Variants in TNRC18 observed in about 807,000 individuals in gnomAD.
The protein encoded by TNRC18 is trinucleotide repeat containing 18, also known as trinucleotide repeat-containing gene 18 protein.
TNRC18 carries 69 observed loss-of-function variants against 226.7 expected under a neutral mutation model. The ratio of observed to expected loss-of-function variants is 0.30; its 90% confidence interval spans 0.25 to 0.37. The LOEUF (loss-of-function observed/expected upper bound fraction) is 0.37, where lower values mean the gene tolerates loss of function less well. Among genes scored for constraint, TNRC18 ranks in the 10% least tolerant of loss-of-function variants. The pLI, the probability that TNRC18 is intolerant of heterozygous loss-of-function variation, is 1.00. For synonymous variants in TNRC18, 2,449 were observed against 1,927.6 expected (o/e 1.27, Z -7.09); for missense variants, 4,754 against 4,256.6 (o/e 1.12, Z -3.25).
intron 2 of TNRC18, among the ~76,000 whole-genome samples, chr7:5,409,619 T>C (rs969632169): frequency 4.6e-5 from 7 of 151,562 alleles, no homozygotes; most frequent in Admixed American, 3.3e-4. Flanking sequence ...ATCGAAAGGT[T>C]AGAAGATACC....
intron 18 of TNRC18, among the ~76,000 whole-genome samples, chr7:5,345,259 G>A (rs1326054896): frequency 6.6e-6 from 1 of 152,220 alleles, no homozygotes; most frequent in African/African-American, 2.4e-5. Context: ...GGCTGGGTCA[G>A]GGACCTCCAT....
intron 21 of TNRC18, 95 bp from the exon 22 acceptor site, chr7:5,321,285 G>T (rs201402271): frequency 7.3e-4 from 666 of 909,006 alleles, no homozygotes; most frequent in African/African-American, 6.1e-3. Context: ...CCTTGGAATG[G>T]AGGCCCTGGT....
Position 5,315,826 on chromosome 7 carries a change from T to C in TNRC18, c.6862+130A>G, listed in dbSNP as rs928454265. The C allele has an allele frequency of 1.2e-5, 8 of 642,346 alleles. No homozygotes were observed. In the South Asian group the frequency reaches 1.7e-4, roughly 13 times the overall value. The allele number at this position is 642,346 out of a possible 1,614,324, so 39.8% of individuals were successfully genotyped here. A position where few individuals can be genotyped will look rare whatever the true frequency, so the allele number is the denominator to read the frequency against. On this transcript the variant is annotated intron_variant, in intron 25 of 29. Coordinates refer to ENST00000430969, the MANE Select transcript of TNRC18 (RefSeq NM_001080495.3). ...CTGAGATCTCACGGGAGCCCACCCA[T>C]GGCTTCTGCTGCTTCCATCACCTGT...
At position 5,376,983 on chromosome 7, in the gene TNRC18, G is replaced by A; in HGVS notation, c.2472C>T (p.Pro824=). ...WLAGHPYGLG[P]PSLHQGMAPA... is the part of the protein sequence containing the mutation. ...GGGCCATGCCCTGGTGCAGAGATGG[G>A]GGACCCAAGCCTAGGAGGAGAAGCC... The change falls in exon 8 of 30, where the codon CCC becomes CCT. Residue 824 remains proline (P), a synonymous_variant. Transcript: ENST00000430969. The A allele has an allele frequency of 6.3e-7, 1 of 1,581,622 alleles. No individual in the cohort carries two copies. The highest frequency in any genetic ancestry group is 8.6e-7 in the Non-Finnish European group (1 of 1,164,204).
intron 2 of TNRC18, among the ~76,000 whole-genome samples, chr7:5,400,385 G>C (rs956496399): frequency 3.3e-5 from 5 of 151,928 alleles, no homozygotes; most frequent in Non-Finnish European, 7.4e-5. Flanking sequence ...AGAGGCGGGC[G>C]GATCACCTGA....
rs776608035 is a variant in TNRC18 at position 5,370,390 on chromosome 7, T to C, written c.4204A>G (p.Ser1402Gly). ...GCACTCTCACCTCCCATCTCTTGGCTCCTCCTCTCCAGCTCCAGCTCTGCG... is the reference window on the plus strand; with the variant it reads ...GCACTCTCACCTCCCATCTCTTGGCCCCTCCTCTCCAGCTCCAGCTCTGCG... Reference protein sequence around the residue: ...EIAELELERRSQEMGGAERAL... With the variant: ...EIAELELERRGQEMGGAERAL... The change falls in exon 11 of 30, where the codon AGC becomes GGC. Residue 1402 changes from serine (S) to glycine (G), a missense_variant. Transcript: ENST00000430969. 1 of 1,546,906 alleles carries C rather than the reference T, an allele frequency of 6.5e-7. No homozygotes were observed. Among genetic ancestry groups the C allele is most frequent in the Non-Finnish European group, 8.7e-7 (1 of 1,144,648 alleles).
Position 5,374,165 on chromosome 7 carries a change from G to A in TNRC18, c.3119C>T (p.Pro1040Leu), listed in dbSNP as rs774510421. The A allele has an allele frequency of 6.8e-6, 10 of 1,461,428 alleles. No homozygotes were observed. The highest frequency in any genetic ancestry group is 5.2e-5 in the Admixed American group (2 of 38,280). The allele number at this position is 1,461,428 out of a possible 1,614,324, so 90.5% of individuals were successfully genotyped here. ...CTTGCGGGTGATACCCGGGGTGGGC[G>A]GTGGGGAGGCGGGCGGCGGGCTGGT... ...HPTSPPPASP[P>L]PTPGITRKEE... The change falls in exon 10 of 30, where the codon CCG becomes CTG. Residue 1040 changes from proline (P) to leucine (L), a missense_variant. Transcript: ENST00000430969.
intron 2 of TNRC18, among the ~76,000 whole-genome samples, chr7:5,412,811 C>G (rs1198673930): frequency 6.6e-6 from 1 of 152,146 alleles, no homozygotes; most frequent in Non-Finnish European, 1.5e-5. Flanking sequence ...CAGGGACCCC[C>G]AAAATGCTCA....
At chr7:5,408,737 C>G (rs1781649052) in intron 2 of TNRC18, among the ~76,000 whole-genome samples, 1 of 152,158 alleles carries the variant, frequency 6.6e-6, no homozygotes, top group African/African-American at 2.4e-5. Context: ...AAAAGAAACA[C>G]TTAGGCTTGG....
intron 18 of TNRC18, among the ~76,000 whole-genome samples, chr7:5,335,327 TG>T (rs1325982501): frequency 1.2e-5 from 1 of 80,728 alleles, no homozygotes; most frequent in African/African-American, 3.9e-5. Flanking sequence ...AAAAAAAATT[TG>T]GCCAGGCACA....
At position 5,332,967 on chromosome 7, in the gene TNRC18, C is replaced by G. The variant is rs780930454; in HGVS notation, c.5802G>C (p.Lys1934Asn). The change falls in exon 19 of 30, where the codon AAG becomes AAC. Residue 1934 changes from lysine (K) to asparagine (N), a missense_variant. By Grantham distance (94) the Lys-to-Asn change is moderately conservative (BLOSUM62 0). Coordinates refer to ENST00000430969, the MANE Select transcript of TNRC18 (RefSeq NM_001080495.3). ...RSPAGLLRPK[K>N]GLGEPGPSLA... ...GGGAGGGTCCCGGCTCCCCCAGCCC[C>G]TTCTTGGGCCGCAGCAGCCCCGCAG... is the stretch of plus-strand genomic sequence containing the variant. 1 of 1,563,322 alleles carries G rather than the reference C, an allele frequency of 6.4e-7. No homozygotes were observed. Among genetic ancestry groups the G allele is most frequent in the Non-Finnish European group, 8.6e-7 (1 of 1,162,384 alleles).
intron 11 of TNRC18, among the ~76,000 whole-genome samples, chr7:5,367,679 C>T (rs528998973): frequency 1.3e-4 from 20 of 151,598 alleles, no homozygotes; most frequent in Non-Finnish European, 2.9e-4. Context: ...CTGCCCGCCT[C>T]GGCCTCCCAA....
chr7:5,334,549 G>A (rs891811270), intron 18 of TNRC18, among the ~76,000 whole-genome samples: 3 of 151,528 alleles, frequency 2.0e-5, no homozygotes, highest in East Asian at 3.9e-4. Flanking sequence ...TGCCTGCCTC[G>A]GCCTCCCAAA....
chr7:5,401,486 C>A (rs1307225271), intron 2 of TNRC18, among the ~76,000 whole-genome samples: 1 of 152,122 alleles, frequency 6.6e-6, no homozygotes, highest in Non-Finnish European at 1.5e-5. Context: ...TGCAACTTAC[C>A]CTGCCACGCC....
intron 3 of TNRC18, among the ~76,000 whole-genome samples, chr7:5,391,951 A>G (rs11973300): frequency 0.61 from 92,444 of 150,670 alleles, 28,762 homozygotes; most frequent in East Asian, 0.87. Flanking sequence ...TTCTCTGCCT[A>G]AGCCCAGAGT....
chr7:5,371,147 C>G lies in TNRC18; in HGVS notation c.3447G>C (p.Glu1149Asp). The G allele has an allele frequency of 6.2e-7, 1 of 1,609,528 alleles. No individual in the cohort carries two copies. Among genetic ancestry groups the G allele is most frequent in the Non-Finnish European group, 8.5e-7 (1 of 1,176,900 alleles). Residue 1149 changes from glutamate to aspartate, a missense_variant, in exon 11 of 30, where the codon GAG becomes GAC. Glu to Asp is a conservative substitution (Grantham distance 45, BLOSUM62 2). Coordinates refer to ENST00000430969, the MANE Select transcript of TNRC18 (RefSeq NM_001080495.3). Reference protein sequence around the residue: ...KITEPLREGPEEEPLAEREVK... With the variant: ...KITEPLREGPDEEPLAEREVK... ...CCTCCCGCTCAGCCAGCGGTTCTTC[C>G]TCCGGGCCCTCCCGCAGCGGCTCTG...
intron 8 of TNRC18, 110 bp from the exon 9 acceptor site, chr7:5,376,334 C>G (rs1794674515): frequency 9.8e-7 from 1 of 1,020,976 alleles, no homozygotes; most frequent in East Asian, 2.9e-5. Context: ...CAGTGGGGAG[C>G]TGGGCTCTCT....
At chr7:5,399,943 G>C (rs1041701352) in intron 2 of TNRC18, among the ~76,000 whole-genome samples, 1 of 152,022 alleles carries the variant, frequency 6.6e-6, no homozygotes, top group Non-Finnish European at 1.5e-5. Flanking sequence ...CTGGGGAGCT[G>C]AGGTGGTGCG....
Position 5,325,564 on chromosome 7 carries a change from C to T in TNRC18, c.6148-316G>A. On this transcript the variant is annotated intron_variant, in intron 19 of 29. Coordinates refer to ENST00000430969, the MANE Select transcript of TNRC18 (RefSeq NM_001080495.3). ...TCAGCCTCCCGAGTAGCTGGGACTA[C>T]AGGCACCCGCCACCACACCTGGCTA... The T allele has an allele frequency of 1.9e-5, 6 of 307,754 alleles. 1 individual carries two copies. Among genetic ancestry groups the T allele is most frequent in the South Asian group, 1.6e-4 (5 of 31,632 alleles). 19.1% of individuals were successfully genotyped at this position (307,754 alleles called of 1,614,324 possible).
Sources: allele counts gnomAD v4.1 joint callset (sites outside exome capture counted in the v4.1 genomes callset), GRCh38; gene constraint gnomAD v4.1.1; transcripts MANE v1.5; gene names NCBI Gene and HGNC (gene_info 2026-07-23, HGNC 2026-07-21).